The following LRIT2 variants were observed in gnomAD, a reference collection of about 807,000 sequenced individuals.
The protein encoded by LRIT2 is leucine rich repeat, Ig-like and transmembrane domains 2.
In LRIT2, 23 loss-of-function variants were observed where a neutral mutation model predicts 22.4. The observed-to-expected ratio is 1.03, with a 90% CI of 0.74 to 1.45. The LOEUF (loss-of-function observed/expected upper bound fraction) is 1.45, where lower values mean the gene tolerates loss of function less well. Among genes scored for constraint, LRIT2 ranks in the 40% most tolerant of loss-of-function variants. The pLI, the probability that LRIT2 is intolerant of heterozygous loss-of-function variation, is 0.00. For missense variants in LRIT2, 784 were observed against 665.6 expected (o/e 1.18, Z -1.96); for synonymous variants, 291 against 267.1 (o/e 1.09, Z -0.87).
intron 2 of LRIT2, among the ~76,000 whole-genome samples, chr10:84,223,317 A>G (rs1842529842): frequency 6.6e-6 from 1 of 152,176 alleles, no homozygotes; most frequent in Non-Finnish European, 1.5e-5. Context: ...CTGAGAGATT[A>G]TATAACACGT....
At position 84,221,911 on chromosome 10, in the gene LRIT2, C is replaced by T; in HGVS notation, c.*9G>A. 6.6e-7 allele frequency: 1 copy of T among 1,517,802 alleles called. No individual in the cohort carries two copies. The highest frequency in any genetic ancestry group is 8.8e-7 in the Non-Finnish European group (1 of 1,132,498). 94.0% of individuals were successfully genotyped at this position (1,517,802 alleles called of 1,614,324 possible). A position where few individuals can be genotyped will look rare whatever the true frequency, so the allele number is the denominator to read the frequency against. On this transcript the variant is annotated 3_prime_UTR_variant, in exon 3 of 3. Coordinates refer to ENST00000372113, the MANE Select transcript of LRIT2 (RefSeq NM_001017924.5). ...GCCCAAGCCGTTTCCACCCCATGGC[C>T]TGGGTTGTTCAGCTGTTGTCTTCCG...
At position 84,221,914 on chromosome 10, in the gene LRIT2, G is replaced by T. The variant is rs759305716; in HGVS notation, c.*6C>A. 5.9e-6 allele frequency: 9 copies of T among 1,519,750 alleles called. No homozygotes were observed. In the South Asian group the frequency reaches 1.1e-4, roughly 18 times the overall value. 94.1% of individuals were successfully genotyped at this position (1,519,750 alleles called of 1,614,324 possible). A position where few individuals can be genotyped will look rare whatever the true frequency, so the allele number is the denominator to read the frequency against. ...CAAGCCGTTTCCACCCCATGGCCTG[G>T]GTTGTTCAGCTGTTGTCTTCCGTTC... On this transcript the variant is annotated 3_prime_UTR_variant, in exon 3 of 3. Transcript: ENST00000372113.
At position 84,221,662 on chromosome 10, in the gene LRIT2, A is replaced by G. The variant is rs1313372130; in HGVS notation, c.*258T>C. The G allele has an allele frequency of 2.8e-6, 1 of 356,454 alleles. No homozygotes were observed. The highest frequency in any genetic ancestry group is 4.2e-5 in the East Asian group (1 of 23,532). The allele number at this position is 356,454 out of a possible 1,614,324, so 22.1% of individuals were successfully genotyped here. A position where few individuals can be genotyped will look rare whatever the true frequency, so the allele number is the denominator to read the frequency against. ...TAATATTTAGTGATTTCTAATCACC[A>G]TGTATAATAAAATGATTAATTTGAT... On this transcript the variant is annotated 3_prime_UTR_variant, in exon 3 of 3. Transcript: ENST00000372113.
intron 2 of LRIT2, 28 bp from the exon 3 acceptor site, chr10:84,222,708 G>C: frequency 6.2e-7 from 1 of 1,611,284 alleles, no homozygotes; most frequent in Non-Finnish European, 8.5e-7. Context: ...CAAAACAGCT[G>C]TGCATTTATC....
At chr10:84,223,410 C>A (rs1842530435) in intron 2 of LRIT2, among the ~76,000 whole-genome samples, 1 of 151,742 alleles carries the variant, frequency 6.6e-6, no homozygotes. Flanking sequence ...AACAATAAAT[C>A]CTATAATTTT....
In LRIT2 at chr10:84,222,688, GA is replaced by G; in HGVS notation, c.893-9del. 6.2e-7 allele frequency: 1 copy of G among 1,612,216 alleles called. No individual in the cohort carries two copies. The highest frequency in any genetic ancestry group is 8.5e-7 in the Non-Finnish European group (1 of 1,178,462). The stretch of plus-strand genomic sequence containing the variant: ...CAGTAGAAGATGTCAACACTGGGTG[GA>G]AAGAAAAACAAAACAGCTGTGCATT... On this transcript the variant is annotated splice_polypyrimidine_tract_variant and intron_variant, in intron 2 of 2. Transcript: ENST00000372113.
chr10:84,222,578 G>A lies in LRIT2; in HGVS notation c.995C>T (p.Ser332Phe). The stretch of plus-strand genomic sequence containing the variant: ...GATTACAAGGTTGCTCTTGCCAATG[G>A]AGTTGGAGGCCATGCAGGTGTAATT... The part of the protein sequence containing the change: ...SGNYTCMASN[S>F]IGKSNLVISL... The change falls in exon 3 of 3, where the codon TCC (serine) becomes TTC (phenylalanine). Residue 332 changes from serine to phenylalanine, a missense_variant. Transcript: ENST00000372113. The A allele has an allele frequency of 1.2e-6, 2 of 1,614,070 alleles. No individual in the cohort carries two copies. Among genetic ancestry groups the A allele is most frequent in the Non-Finnish European group, 1.7e-6 (2 of 1,180,016 alleles).
In LRIT2 at chr10:84,221,945, T is replaced by A. The variant is rs1564670789; in HGVS notation, c.1628A>T (p.Lys543Ile). Residue 543 changes from lysine to isoleucine, a missense_variant, in exon 3 of 3, where the codon AAA (lysine) becomes ATA (isoleucine). Physicochemically the swap from Lys to Ile is moderately radical, Grantham distance 102. Coordinates refer to ENST00000372113, the MANE Select transcript of LRIT2 (RefSeq NM_001017924.5). ...GHIDTEGDKE[K>I]GGTEDNS ...TCAGCTGTTGTCTTCCGTTCCTCCTTTCTCCTTGTCCCCCTCAGTGTCTAT... is the reference window on the plus strand; with the variant it reads ...TCAGCTGTTGTCTTCCGTTCCTCCTATCTCCTTGTCCCCCTCAGTGTCTAT... 2 of 1,531,920 alleles carry A rather than the reference T, an allele frequency of 1.3e-6. No homozygotes were observed. The highest frequency in any genetic ancestry group is 1.8e-6 in the Non-Finnish European group (2 of 1,138,316). The allele number at this position is 1,531,920 out of a possible 1,614,324, so 94.9% of individuals were successfully genotyped here.
chr10:84,223,578 C>T (rs1448805464), intron 2 of LRIT2, among the ~76,000 whole-genome samples: 2 of 152,080 alleles, frequency 1.3e-5, no homozygotes, highest in African/African-American at 2.4e-5. Context: ...TTTTACCCAG[C>T]TATTCCTAGT....
Position 84,222,520 on chromosome 10 carries a change from A to G in LRIT2, c.1053T>C (p.His351=), listed in dbSNP as rs1589316212. ...SLHVQPAQAL[H]APDSLSIPSE... is the part of the protein sequence containing the mutation. Reference sequence around the variant, plus strand: ...AGGGGATGGAAAGAGAATCAGGTGCATGTAGGGCCTGGGCAGGCTGGACAT... The same window carrying G: ...AGGGGATGGAAAGAGAATCAGGTGCGTGTAGGGCCTGGGCAGGCTGGACAT... The change falls in exon 3 of 3, where the codon CAT becomes CAC. Residue 351 remains histidine (H), a synonymous_variant. Transcript: ENST00000372113. The G allele has an allele frequency of 1.2e-6, 2 of 1,614,052 alleles. No individual in the cohort carries two copies. The highest frequency in any genetic ancestry group is 1.3e-5 in the African/African-American group (1 of 75,014).
Position 84,225,432 on chromosome 10 carries a change from C to T in LRIT2, c.89G>A (p.Cys30Tyr). The T allele has an allele frequency of 1.2e-6, 2 of 1,614,182 alleles. No individual in the cohort carries two copies. Among genetic ancestry groups the T allele is most frequent in the Non-Finnish European group, 1.7e-6 (2 of 1,180,032 alleles). ...GCACCTGCCAAAACTCTCCTCTGAG[C>T]AAGTGCATCCTGGCAGACAGAAAGG... ...AQPFCLPGCT[C>Y]SEESFGRTLQ... Residue 30 changes from cysteine to tyrosine, a missense_variant, in exon 1 of 3, where the codon TGC becomes TAC. Transcript: ENST00000372113.
intron 2 of LRIT2, among the ~76,000 whole-genome samples, chr10:84,223,083 G>A (rs1387143293): frequency 6.6e-6 from 1 of 152,190 alleles, no homozygotes; most frequent in East Asian, 1.9e-4. Context: ...GTGATTGTAC[G>A]ATATTATGAG....
rs761868490 is a variant in LRIT2, at chr10:84,224,364, A to T, written c.861T>A (p.Thr287=). 6.8e-6 allele frequency: 11 copies of T among 1,613,790 alleles called. No individual in the cohort carries two copies. In the East Asian group the frequency reaches 2.2e-4, roughly 33 times the overall value. Residue 287 remains threonine (T), a synonymous_variant, in exon 2 of 3, where the codon ACT becomes ACA. Transcript: ENST00000372113. Reference sequence around the variant, plus strand: ...ATTCTCTCCACATACTCAGGGGATAAGTCCATGCAATGGATGGTGAGGGGC... The same window carrying T: ...ATTCTCTCCACATACTCAGGGGATATGTCCATGCAATGGATGGTGAGGGGC... ...QASPSPSIAW[T]YPLSMWREFD... is the part of the protein sequence containing the mutation.
Position 84,224,991 on chromosome 10 carries a change from C to T in LRIT2, c.234G>A (p.Met78Ile), listed in dbSNP as rs1371759499. 2.5e-6 allele frequency: 4 copies of T among 1,613,970 alleles called. No homozygotes were observed. Among genetic ancestry groups the T allele is most frequent in the South Asian group, 1.1e-5 (1 of 91,084 alleles). ...FEMPQGSFINMSTLEYLWLNF... is the reference protein window; with the variant it reads ...FEMPQGSFINISTLEYLWLNF... ...TGAGCCAGAGGTATTCCAAGGTGCT[C>T]ATGTTGATGAAAGACCCTTGGGGCA... is the stretch of plus-strand genomic sequence containing the variant. Residue 78 changes from methionine (M) to isoleucine (I), a missense_variant, in exon 2 of 3, where the codon ATG becomes ATA. Physicochemically the swap from Met to Ile is conservative, Grantham distance 10. Transcript: ENST00000372113.
Position 84,221,691 on chromosome 10 carries a change from C to A in LRIT2, c.*229G>T. On this transcript the variant is annotated 3_prime_UTR_variant, in exon 3 of 3. Transcript: ENST00000372113. ...ATAATAAAATGATTAATTTGATGGACAAATCTTCATTGACTTTAACTTTAC... is the reference window on the plus strand; with the variant it reads ...ATAATAAAATGATTAATTTGATGGAAAAATCTTCATTGACTTTAACTTTAC... 2.5e-6 allele frequency: 1 copy of A among 401,656 alleles called. No individual in the cohort carries two copies. The highest frequency in any genetic ancestry group is 4.4e-6 in the Non-Finnish European group (1 of 226,536). The allele number at this position is 401,656 out of a possible 1,614,324, so 24.9% of individuals were successfully genotyped here. A position where few individuals can be genotyped will look rare whatever the true frequency, so the allele number is the denominator to read the frequency against.
chr10:84,223,713 C>T lies in LRIT2; in HGVS notation c.892+620G>A, dbSNP rs1842534090. 2.6e-5 allele frequency among the ~76,000 whole-genome samples: 4 copies of T among 152,118 alleles called. No homozygotes were observed. The South Asian group carries it at 6.2e-4, about 24-fold the overall frequency. On this transcript the variant is annotated intron_variant, in intron 2 of 2. Transcript: ENST00000372113. ...TGATATGCCCAACCCTACAGAGTAG[C>T]ATTAAAGGTAATCCCAGCTGAGGTA...
Position 84,224,257 on chromosome 10 carries a change from T to A in LRIT2, c.892+76A>T, listed in dbSNP as rs1842538420. The A allele has an allele frequency of 4.1e-6, 6 of 1,453,482 alleles. No individual in the cohort carries two copies. In the Admixed American group the frequency reaches 9.2e-5, roughly 22 times the overall value. The allele number at this position is 1,453,482 out of a possible 1,614,324, so 90.0% of individuals were successfully genotyped here. On this transcript the variant is annotated intron_variant, in intron 2 of 2. Transcript: ENST00000372113. ...CCTTCGTGACTGACCCAGCTTTGAA[T>A]CTCTCTAATGAGGATGGGTTTGCTA...
rs56221896 is a variant in LRIT2 at position 84,225,494 on chromosome 10, C to G, written c.27G>C (p.Leu9=). ...GTGTATCCAGAAAGACCAGAACTAA[C>G]AGGAAGTAATGAAAAACTGAAGCCA... is the stretch of plus-strand genomic sequence containing the variant. MASVFHYF[L]LVLVFLDTHA... is the part of the protein sequence containing the mutation. The change falls in exon 1 of 3, where the codon CTG becomes CTC. Residue 9 remains leucine (L), a synonymous_variant. Coordinates refer to ENST00000372113, the MANE Select transcript of LRIT2 (RefSeq NM_001017924.5). The G allele has an allele frequency of 6.2e-7, 1 of 1,614,098 alleles. No homozygotes were observed. The highest frequency in any genetic ancestry group is 1.7e-5 in the Admixed American group (1 of 59,998).
rs1482389313 is a variant in LRIT2 at position 84,224,706 on chromosome 10, G to T, written c.519C>A (p.Asn173Lys). ...GCCGGCATTTCTGGTAGGCTGGCCA[G>T]TTCAGGAAGACACTCTTGGATACAA... ...LTVVSKSVFLNWPAYQKCRQP... is the reference protein window; with the variant it reads ...LTVVSKSVFLKWPAYQKCRQP... The change falls in exon 2 of 3, where the codon AAC (asparagine) becomes AAA (lysine). Residue 173 changes from asparagine (N) to lysine (K), a missense_variant. Physicochemically the swap from Asn to Lys is moderately conservative, Grantham distance 94. Transcript: ENST00000372113. 5 of 1,614,208 alleles carry T rather than the reference G, an allele frequency of 3.1e-6. No individual in the cohort carries two copies. Among genetic ancestry groups the T allele is most frequent in the Non-Finnish European group, 4.2e-6 (5 of 1,180,040 alleles).
Sources: allele counts gnomAD v4.1 joint callset (sites outside exome capture counted in the v4.1 genomes callset), GRCh38; gene constraint gnomAD v4.1.1; transcripts MANE v1.5; gene names NCBI Gene and HGNC (gene_info 2026-07-23, HGNC 2026-07-21).